FBN1: variants seen among roughly 807,000 people sequenced by gnomAD.
The protein encoded by FBN1 is fibrillin 1.
FBN1 carries 29 observed loss-of-function variants against 365.1 expected under a neutral mutation model. That is an observed-to-expected ratio of 0.08 (90% CI 0.06 to 0.11). FBN1 has a LOEUF of 0.11. FBN1 is among the 10% of genes least tolerant of loss of function. FBN1 has a pLI of 1.00. For missense variants in FBN1, 2,476 were observed against 3,703.2 expected (o/e 0.67, Z 8.60); for synonymous variants, 1,210 against 1,270.5 (o/e 0.95, Z 1.01).
chr15:48,416,816 T>A (rs1468452441), intron 63 of FBN1: 3 of 152,224 alleles, frequency 2.0e-5, no homozygotes, highest in East Asian at 3.8e-4. Context: ...TACGTTCATT[T>A]GAATGTAGAT....
chr15:48,421,214 C>G (rs2042938917), intron 62 of FBN1, among the ~76,000 whole-genome samples: 1 of 152,110 alleles, frequency 6.6e-6, no homozygotes. Context: ...GTTTAGTCCA[C>G]ATGGGGGAAA....
chr15:48,621,414 T>G (rs955070492), intron 2 of FBN1, among the ~76,000 whole-genome samples: 2 of 152,234 alleles, frequency 1.3e-5, no homozygotes, highest in African/African-American at 2.4e-5. Context: ...CTGTGGTCTT[T>G]TTCCCAAAAA....
At chr15:48,458,354 G>C (rs1597542213) in intron 43 of FBN1, among the ~76,000 whole-genome samples, 1 of 152,254 alleles carries the variant, frequency 6.6e-6, no homozygotes, top group South Asian at 2.1e-4. Flanking sequence ...TTTGTGTGAA[G>C]GCAAAATTGA....
chr15:48,513,303 GACA>G (rs1244119160), intron 13 of FBN1, among the ~76,000 whole-genome samples: 1 of 152,164 alleles, frequency 6.6e-6, no homozygotes, highest in Non-Finnish European at 1.5e-5. Context: ...ATAGTGACGA[GACA>G]ACAATACTGA....
At chr15:48,496,474 T>G (rs1452493429) in intron 19 of FBN1, among the ~76,000 whole-genome samples, 2 of 152,186 alleles carry the variant, frequency 1.3e-5, no homozygotes, top group Non-Finnish European at 2.9e-5. Flanking sequence ...TTTAATTCAC[T>G]TATTTCTTTA....
Position 48,488,211 on chromosome 15 carries a change from A to T in FBN1, c.3239T>A (p.Leu1080His). Reference protein sequence around the residue: ...DIDECRISPDLCGRGQCVNTP... With the variant: ...DIDECRISPDHCGRGQCVNTP... The stretch of plus-strand genomic sequence containing the variant: ...GTTCACACACTGGCCTCTGCCACAG[A>T]GGTCAGGAGATATGCGGCATTCGTC... Residue 1080 changes from leucine (L) to histidine (H), a missense_variant, in exon 27 of 66, where the codon CTC (leucine) becomes CAC (histidine). Physicochemically the swap from Leu to His is moderately conservative, Grantham distance 99 (BLOSUM62 -3). Around this residue, in one of 5 missense-constraint regions of FBN1, gnomAD observed 1,780 missense variants for 2,840.8 expected, o/e 0.63. Coordinates refer to ENST00000316623, the MANE Select transcript of FBN1 (RefSeq NM_000138.5). 6.2e-7 allele frequency: 1 copy of T among 1,614,232 alleles called. No individual in the cohort carries two copies.
chr15:48,516,829 T>C (rs2043807876), intron 10 of FBN1, among the ~76,000 whole-genome samples: 1 of 152,172 alleles, frequency 6.6e-6, no homozygotes, highest in African/African-American at 2.4e-5. Context: ...TGAAGAACAT[T>C]ACTGCGGGGA....
intron 29 of FBN1, among the ~76,000 whole-genome samples, chr15:48,485,744 C>T (rs1597561777): frequency 6.6e-6 from 1 of 152,148 alleles, no homozygotes; most frequent in Admixed American, 6.5e-5. Context: ...GGAAGAAGGA[C>T]CATGCAAAAT....
intron 17 of FBN1, among the ~76,000 whole-genome samples, chr15:48,500,675 G>C (rs1407272360): frequency 1.3e-5 from 2 of 152,194 alleles, no homozygotes; most frequent in East Asian, 3.8e-4. Context: ...AGGGATCCAT[G>C]AGAAAATCCC....
chr15:48,567,386 C>T (rs2044265446), intron 6 of FBN1, among the ~76,000 whole-genome samples: 7 of 151,928 alleles, frequency 4.6e-5, no homozygotes, highest in Admixed American at 4.6e-4. Context: ...GATAGAGAAA[C>T]ACTGTTGTGT....
chr15:48,573,448 A>G (rs757040250), intron 6 of FBN1, among the ~76,000 whole-genome samples: 11 of 152,240 alleles, frequency 7.2e-5, no homozygotes, highest in African/African-American at 2.7e-4. Flanking sequence ...TATGGCTTAT[A>G]GTGTTATAAA....
At chr15:48,499,109 C>T (rs2043634393) in intron 17 of FBN1, 71 bp from the exon 18 acceptor site, 2 of 1,470,178 alleles carry the variant, frequency 1.4e-6, no homozygotes, top group Non-Finnish European at 9.5e-7. Flanking sequence ...CTTGGTTTTG[C>T]ACACATCATT....
intron 7 of FBN1, among the ~76,000 whole-genome samples, chr15:48,535,453 C>G (rs1185011039): frequency 1.3e-5 from 2 of 152,228 alleles, no homozygotes; most frequent in African/African-American, 4.8e-5. Flanking sequence ...TCATTTCAGG[C>G]TCACTACTTT....
intron 4 of FBN1, among the ~76,000 whole-genome samples, chr15:48,601,862 C>T (rs1168078621): frequency 6.6e-6 from 1 of 152,186 alleles, no homozygotes; most frequent in African/African-American, 2.4e-5. Flanking sequence ...CATCAAAGGC[C>T]TGTTTCTACT....
At chr15:48,422,119 CAGGGA>C in intron 60 of FBN1, 51 bp from the exon 61 acceptor site, 3 of 1,283,014 alleles carry the variant, frequency 2.3e-6, no homozygotes, top group African/African-American at 1.5e-5. Context: ...AAAACAGGAT[CAGGGA>C]AGCTGACCCT....
intron 35 of FBN1, 56 bp downstream of exon 35, chr15:48,472,495 A>G: frequency 1.2e-6 from 2 of 1,607,618 alleles, no homozygotes; most frequent in Non-Finnish European, 1.7e-6. Context: ...GGAATGTTTA[A>G]ATAACCTAAT....
chr15:48,453,603 C>T (rs183022807), intron 44 of FBN1, among the ~76,000 whole-genome samples: 6 of 152,104 alleles, frequency 3.9e-5, no homozygotes, highest in Non-Finnish European at 8.8e-5. Flanking sequence ...TTTCCAAACC[C>T]ATAGAATGTA....
intron 30 of FBN1, among the ~76,000 whole-genome samples, chr15:48,484,529 A>G (rs1417414724): frequency 6.6e-6 from 1 of 151,948 alleles, no homozygotes; most frequent in Non-Finnish European, 1.5e-5. Context: ...GTGCCACCAC[A>G]CCCAACTAAT....
intron 17 of FBN1, among the ~76,000 whole-genome samples, chr15:48,499,589 T>C (rs765414390): frequency 2.6e-5 from 4 of 152,228 alleles, no homozygotes; most frequent in Non-Finnish European, 4.4e-5. Flanking sequence ...TCATTCTCTA[T>C]GGTATATCCA....
Sources: gnomAD v4.1 joint callset for allele counts (sites outside exome capture counted in the v4.1 genomes callset) on GRCh38, gnomAD v4.1.1 for gene constraint, gnomAD v4.1.1 regional missense constraint, MANE v1.5 for transcripts, NCBI Gene and HGNC (gene_info 2026-07-23, HGNC 2026-07-21) for gene names.